Variants in RBFOX1 observed in about 807,000 individuals in gnomAD.
RBFOX1 encodes RNA binding protein fox-1 homolog 1.
In RBFOX1, 8 loss-of-function variants were observed where a neutral mutation model predicts 57.7. The observed-to-expected ratio is 0.14, with a 90% confidence interval of 0.08 to 0.25. The LOEUF (loss-of-function observed/expected upper bound fraction) is 0.25, where lower values mean the gene tolerates loss of function less well. Ranked by LOEUF, RBFOX1 falls within the 10% of genes least tolerant of loss-of-function variation. The probability of loss-of-function intolerance (pLI) is 1.00; values close to 1 mark genes in which losing one functional copy is unlikely to be tolerated. For synonymous variants in RBFOX1, 326 were observed against 222.4 expected, an observed-to-expected ratio of 1.47 and a Z score of -4.15; for missense variants, 611 against 548.5, an observed-to-expected ratio of 1.11 and a Z score of -1.14.
intron 3 of RBFOX1, among the ~76,000 whole-genome samples, chr16:6,801,732 T>C (rs1010430074): frequency 2.6e-5 from 4 of 152,058 alleles, no homozygotes; most frequent in African/African-American, 9.7e-5. Flanking sequence ...GAAGAGAGTT[T>C]TTATTTCTGT....
intron 4 of RBFOX1, among the ~76,000 whole-genome samples, chr16:7,154,054 C>T (rs1003044701): frequency 3.3e-5 from 5 of 152,134 alleles, no homozygotes. Context: ...TATTTAGCAA[C>T]AGATTTGCTT....
At chr16:7,648,950 G>T (rs550094065) in intron 11 of RBFOX1, among the ~76,000 whole-genome samples, 11 of 152,282 alleles carry the variant, frequency 7.2e-5, no homozygotes, top group African/African-American at 2.4e-4. Flanking sequence ...AAACGTACAA[G>T]GGTAGAAGTG....
chr16:7,275,880 C>T (rs186616038), intron 4 of RBFOX1, among the ~76,000 whole-genome samples: 1 of 152,294 alleles, frequency 6.6e-6, no homozygotes, highest in East Asian at 1.9e-4. Context: ...ATCTGAGAGG[C>T]AGCCCCAGGG....
intron 3 of RBFOX1, among the ~76,000 whole-genome samples, chr16:7,049,879 C>CT (rs1216630645): frequency 2.0e-5 from 3 of 152,166 alleles, no homozygotes; most frequent in African/African-American, 2.4e-5. Flanking sequence ...TAAAATTTAC[C>CT]TTTTTTATCA....
chr16:5,345,408 C>T (rs879298707), intron 1 of RBFOX1, among the ~76,000 whole-genome samples: 8 of 152,328 alleles, frequency 5.3e-5, no homozygotes, highest in South Asian at 2.1e-4. Context: ...CTAAAGCCCT[C>T]GTGCATGCCC....
chr16:6,901,338 A>C (rs1465237875), intron 3 of RBFOX1, among the ~76,000 whole-genome samples: 1 of 152,160 alleles, frequency 6.6e-6, no homozygotes, highest in African/African-American at 2.4e-5. Flanking sequence ...AGAAGTTTCA[A>C]CCTGGAAATG....
chr16:7,693,359 C>T (rs1438515195), intron 14 of RBFOX1: 2 of 1,611,920 alleles, frequency 1.2e-6, no homozygotes, highest in Non-Finnish European at 8.5e-7. Context: ...TCTTGTAACA[C>T]CTCTGCAGGT....
chr16:6,808,018 A>T (rs932308581), intron 3 of RBFOX1, among the ~76,000 whole-genome samples: 1 of 150,572 alleles, frequency 6.6e-6, no homozygotes, highest in African/African-American at 2.4e-5. Context: ...TATAATATGC[A>T]AATTATACCT....
chr16:6,566,256 AGCCACAG>A (rs2097264606), intron 2 of RBFOX1, among the ~76,000 whole-genome samples: 1 of 152,188 alleles, frequency 6.6e-6, no homozygotes, highest in Non-Finnish European at 1.5e-5. Context: ...GGTGAGAAAA[AGCCACAG>A]GCCAGTCTCA....
Position 6,578,879 on chromosome 16 carries a change from A to T in RBFOX1, c.-63-75724A>T, listed in dbSNP as rs2097489178. On this transcript the variant is annotated intron_variant, in intron 2 of 15. Transcript: ENST00000550418. ...AAGAATGATACAATGGACTTTGGGG[A>T]CTTGGGGGAAAGGGTGGGAGTGGGG... is the stretch of plus-strand genomic sequence containing the variant. Among the ~76,000 whole-genome samples, 2 of 151,864 alleles carry T rather than the reference A, an allele frequency of 1.3e-5. 1 individual carries two copies. The highest frequency in any genetic ancestry group is 4.8e-5 in the African/African-American group (2 of 41,328).
chr16:5,346,696 G>T (rs1379482688), intron 1 of RBFOX1, among the ~76,000 whole-genome samples: 1 of 152,154 alleles, frequency 6.6e-6, no homozygotes, highest in Non-Finnish European at 1.5e-5. Context: ...AAACAGCTTT[G>T]CTGTTTTCTA....
At chr16:6,522,436 T>G (rs1056270451) in intron 2 of RBFOX1, among the ~76,000 whole-genome samples, 2 of 152,164 alleles carry the variant, frequency 1.3e-5, no homozygotes, top group Non-Finnish European at 2.9e-5. Flanking sequence ...TGGGAAGATT[T>G]TTTTTTGAAA....
chr16:6,052,553 G>A (rs1269055469), intron 1 of RBFOX1, among the ~76,000 whole-genome samples: 1 of 151,810 alleles, frequency 6.6e-6, no homozygotes, highest in African/African-American at 2.4e-5. Flanking sequence ...GGGAGGCCGA[G>A]GCGGGCGGAT....
In RBFOX1 at chr16:6,756,243, T is replaced by C. The variant is rs560613929; in HGVS notation, c.-16+101593T>C. On this transcript the variant is annotated intron_variant, in intron 3 of 15. Coordinates refer to ENST00000550418, the MANE Select transcript of RBFOX1 (RefSeq NM_018723.4). The stretch of plus-strand genomic sequence containing the variant: ...GGGAAAGGACACCCTCTTCAATAAG[T>C]AGTGCTGGGAAAAAAATGGATATCC... Among the ~76,000 whole-genome samples, 4 of 152,206 alleles carry C rather than the reference T, an allele frequency of 2.6e-5. No homozygotes were observed. In the South Asian group the frequency reaches 8.3e-4, roughly 32 times the overall value.
chr16:6,111,117 AG>A (rs1465832417), intron 1 of RBFOX1, among the ~76,000 whole-genome samples: 2 of 152,122 alleles, frequency 1.3e-5, no homozygotes, highest in Non-Finnish European at 2.9e-5. Flanking sequence ...TGGGCGAGAG[AG>A]GGAGATCATG....
intron 4 of RBFOX1, among the ~76,000 whole-genome samples, chr16:7,209,927 T>C (rs574367739): frequency 1.3e-5 from 2 of 152,132 alleles, no homozygotes; most frequent in East Asian, 3.9e-4. Context: ...CACCATAGAG[T>C]TGATGGTAGG....
upstream of RBFOX1, among the ~76,000 whole-genome samples, chr16:6,017,935 TG>T (rs1225007098): frequency 2.6e-5 from 4 of 152,094 alleles, no homozygotes; most frequent in Non-Finnish European, 5.9e-5. Context: ...GATGGGAAAA[TG>T]AACAGGCGCC....
chr16:5,447,488 A>G lies in RBFOX1; in HGVS notation c.220-19728A>G, dbSNP rs114401709. Among the ~76,000 whole-genome samples, 1,092 of 151,740 alleles carry G rather than the reference A, an allele frequency of 7.2e-3. 16 individuals carry two copies. Among genetic ancestry groups the G allele is most frequent in the African/African-American group, 0.025 (1,050 of 41,314 alleles). ...TCACTGCAGCCTTCACTTCACTGCAACTGAATTCAAGTGGTTCTCCTGCCT... is the reference window on the plus strand; with the variant it reads ...TCACTGCAGCCTTCACTTCACTGCAGCTGAATTCAAGTGGTTCTCCTGCCT... On this transcript the variant is annotated intron_variant, in intron 1 of 2. Coordinates refer to the RBFOX1 transcript ENST00000585867.
chr16:7,001,412 GTATA>G (rs746357556), intron 3 of RBFOX1, among the ~76,000 whole-genome samples: 1 of 136,826 alleles, frequency 7.3e-6, no homozygotes, highest in African/African-American at 3.0e-5. Flanking sequence ...ATATGTATAT[GTATA>G]TGTATATGTA....
Sources: gnomAD v4.1 joint callset for allele counts (sites outside exome capture counted in the v4.1 genomes callset) on GRCh38, gnomAD v4.1.1 for gene constraint, MANE v1.5 for transcripts, NCBI Gene and HGNC (gene_info 2026-07-23, HGNC 2026-07-21) for gene names.